The following DKK3 variants were observed in gnomAD, a reference collection of about 807,000 sequenced individuals.
The protein encoded by DKK3 is dickkopf-related protein 3.
DKK3 carries 22 observed loss-of-function variants against 33.2 expected under a neutral mutation model. The ratio of observed to expected loss-of-function variants is 0.66; its 90% CI spans 0.47 to 0.95. The LOEUF is 0.95. Among genes scored for constraint, DKK3 ranks in the 40% least tolerant of loss-of-function variants. DKK3 has a pLI of 0.00. For synonymous variants in DKK3, 194 were observed against 188.8 expected (o/e 1.03, Z -0.23); for missense variants, 398 against 458.4 (o/e 0.87, Z 1.20).
intron 1 of DKK3, among the ~76,000 whole-genome samples, chr11:12,005,683 G>T (rs924973337): frequency 2.0e-5 from 3 of 152,206 alleles, no homozygotes; most frequent in Non-Finnish European, 2.9e-5. Context: ...TTACTTGAAA[G>T]GAGATTCATG....
chr11:11,991,840 G>A (rs1358320256), intron 3 of DKK3, among the ~76,000 whole-genome samples: 1 of 152,168 alleles, frequency 6.6e-6, no homozygotes, highest in Non-Finnish European at 1.5e-5. Flanking sequence ...TATAAAATGA[G>A]CAGAAACAGA....
upstream of DKK3, chr11:12,008,996 T>G: frequency 2.0e-6 from 2 of 995,210 alleles, no homozygotes; most frequent in Non-Finnish European, 2.4e-6. This position sits in a 1 kb window ranked among gnomAD's most constrained non-coding sequence, Gnocchi z 4.6. Context: ...CAGGTCAGAG[T>G]GCCCGACCCC....
At position 11,998,710 on chromosome 11, in the gene DKK3, C is replaced by G; in HGVS notation, c.421G>C (p.Gly141Arg). Residue 141 changes from glycine to arginine, a missense_variant, in exon 3 of 7, where the codon GGC (glycine) becomes CGC (arginine). Transcript: ENST00000683431. ...TGACAACTTACGTGGCTCCTTCTGCCTTCTTCGTCTCCCACAGATGTGATA... is the reference window on the plus strand; with the variant it reads ...TGACAACTTACGTGGCTCCTTCTGCGTTCTTCGTCTCCCACAGATGTGATA... The part of the protein sequence containing the change: ...TVITSVGDEE[G>R]RRSHECIIDE... 6.2e-7 allele frequency: 1 copy of G among 1,614,120 alleles called. No individual in the cohort carries two copies. Among genetic ancestry groups the G allele is most frequent in the African/African-American group, 1.3e-5 (1 of 75,028 alleles).
At chr11:11,985,133 G>C (rs1468785667) in intron 3 of DKK3, among the ~76,000 whole-genome samples, 2 of 152,186 alleles carry the variant, frequency 1.3e-5, no homozygotes, top group African/African-American at 4.8e-5. Context: ...GTCTAGGGAA[G>C]GTGGTCTGGG....
intron 3 of DKK3, among the ~76,000 whole-genome samples, chr11:11,983,996 A>T (rs909941591): frequency 6.6e-6 from 1 of 152,220 alleles, no homozygotes; most frequent in Non-Finnish European, 1.5e-5. Flanking sequence ...CACTCCAATG[A>T]AGGCAACAGA....
At chr11:12,002,507 A>C in intron 1 of DKK3, 70 bp from the exon 2 acceptor site, 4 of 1,551,408 alleles carry the variant, frequency 2.6e-6, no homozygotes, top group Non-Finnish European at 3.5e-6. Context: ...ATTAGAAAAA[A>C]AAAATCTCTT....
chr11:11,995,951 T>A (rs943656269), intron 3 of DKK3, among the ~76,000 whole-genome samples: 6 of 152,232 alleles, frequency 3.9e-5, no homozygotes, highest in Admixed American at 2.6e-4. Flanking sequence ...ATAGTGTTAC[T>A]CTCTGTAACT....
At chr11:11,971,103 A>G (rs1021521850) in intron 3 of DKK3, among the ~76,000 whole-genome samples, 8 of 151,744 alleles carry the variant, frequency 5.3e-5, no homozygotes, top group South Asian at 2.1e-4. Flanking sequence ...CTTTGACCCA[A>G]TCATTTCCCT....
At chr11:11,996,694 AG>A (rs1326905601) in intron 3 of DKK3, among the ~76,000 whole-genome samples, 2 of 152,218 alleles carry the variant, frequency 1.3e-5, no homozygotes, top group Non-Finnish European at 2.9e-5. Flanking sequence ...GCAGGCATCA[AG>A]ACAACCTTGG....
rs77613873 is a variant in DKK3 at position 12,008,483 on chromosome 11, G to A, written c.100C>T (p.Pro34Ser). Reference sequence around the variant, plus strand: ...TGCGGGTAGCTGAGAGCCGGGCCGGGCTTGACTGGAGCCGAGGTCGCCGTC... The same window carrying A: ...TGCGGGTAGCTGAGAGCCGGGCCGGACTTGACTGGAGCCGAGGTCGCCGTC... ...APTATSAPVKPGPALSYPQEE... is the reference protein window; with the variant it reads ...APTATSAPVKSGPALSYPQEE... Residue 34 changes from proline (P) to serine (S), a missense_variant, in exon 1 of 7, where the codon CCC (proline) becomes TCC (serine). By Grantham distance (74) the Pro-to-Ser change is moderately conservative. Coordinates refer to ENST00000683431, the MANE Select transcript of DKK3 (RefSeq NM_001018057.2). This position sits in a 1 kb window ranked among gnomAD's most constrained non-coding sequence, Gnocchi z 4.6. 4 of 1,604,868 alleles carry A rather than the reference G, an allele frequency of 2.5e-6. No individual in the cohort carries two copies. The highest frequency in any genetic ancestry group is 3.4e-6 in the Non-Finnish European group (4 of 1,178,758).
chr11:12,002,056 T>G (rs539770841), intron 2 of DKK3: 1 of 378,564 alleles, frequency 2.6e-6, no homozygotes, highest in East Asian at 4.0e-5. Flanking sequence ...CCTTTGCAAC[T>G]GGACTGGCAG....
intron 3 of DKK3, 76 bp from the exon 4 acceptor site, chr11:11,968,563 G>A: frequency 1.4e-6 from 2 of 1,412,542 alleles, no homozygotes; most frequent in Non-Finnish European, 1.9e-6. Context: ...GAAGGGCCAG[G>A]CCCGCTTCCA....
At chr11:11,992,395 C>A (rs1239814211) in intron 3 of DKK3, among the ~76,000 whole-genome samples, 1 of 152,168 alleles carries the variant, frequency 6.6e-6, no homozygotes, top group Non-Finnish European at 1.5e-5. Context: ...TGTTAACCAC[C>A]CCCTCTGAAG....
In DKK3 at chr11:11,963,793, C is replaced by T. The variant is rs1185720016; in HGVS notation, c.*671G>A. On this transcript the variant is annotated 3_prime_UTR_variant, in exon 7 of 7. Transcript: ENST00000683431. ...CTAGCTGTGTGACTTGGGCAAGCAG[C>T]TTGCAGTCTCTGAGCCTCTGAGATC... The T allele has an allele frequency of 1.3e-5, 2 of 152,866 alleles. No individual in the cohort carries two copies. The highest frequency in any genetic ancestry group is 1.9e-4 in the East Asian group (1 of 5,188). The allele number at this position is 152,866 out of a possible 1,614,324, so 9.5% of individuals were successfully genotyped here. A position where few individuals can be genotyped will look rare whatever the true frequency, so the allele number is the denominator to read the frequency against.
At chr11:12,004,060 C>A (rs981413584) in intron 1 of DKK3, among the ~76,000 whole-genome samples, 2 of 152,282 alleles carry the variant, frequency 1.3e-5, no homozygotes, top group Middle Eastern at 3.4e-3. Flanking sequence ...ATAGCCCCCA[C>A]GTTTGGGGCA....
chr11:11,964,757 G>T, intron 6 of DKK3, 71 bp from the exon 7 acceptor site: 1 of 1,549,106 alleles, frequency 6.5e-7, no homozygotes. Context: ...AAGGCGCCCT[G>T]ACTCTGTGGG....
At chr11:12,005,016 G>A (rs1848509960) in intron 1 of DKK3, among the ~76,000 whole-genome samples, 1 of 152,142 alleles carries the variant, frequency 6.6e-6, no homozygotes. Flanking sequence ...TACCACTCTG[G>A]TTAGTGATAG....
At chr11:11,999,292 A>G (rs1848371956) in intron 2 of DKK3, among the ~76,000 whole-genome samples, 1 of 152,188 alleles carries the variant, frequency 6.6e-6, no homozygotes, top group African/African-American at 2.4e-5. Flanking sequence ...ATATTCCTGT[A>G]TCTGTTGTCT....
intron 4 of DKK3, 124 bp from the exon 5 acceptor site, chr11:11,967,222 A>G: frequency 8.1e-7 from 1 of 1,235,258 alleles, no homozygotes; most frequent in South Asian, 1.5e-5. Context: ...CAGGCAGACC[A>G]GGCTGAGATT....
Sources: gnomAD v4.1 joint callset for allele counts (sites outside exome capture counted in the v4.1 genomes callset) on GRCh38, gnomAD v4.1.1 for gene constraint, Gnocchi (gnomAD v3.1) non-coding constraint, MANE v1.5 for transcripts, NCBI Gene and HGNC (gene_info 2026-07-23, HGNC 2026-07-21) for gene names.